MDGA2: variants seen among roughly 807,000 people sequenced by gnomAD.
MDGA2 encodes MAM domain-containing glycosylphosphatidylinositol anchor protein 2.
MDGA2 carries 40 observed loss-of-function variants against 117.8 expected under a neutral mutation model. That is an observed-to-expected ratio of 0.34 (90% confidence interval 0.26 to 0.44). The LOEUF is 0.44. Among genes scored for constraint, MDGA2 ranks in the 20% least tolerant of loss-of-function variants. The probability of loss-of-function intolerance (pLI) is 1.00; values close to 1 mark genes in which losing one functional copy is unlikely to be tolerated. For missense variants in MDGA2, 1,123 were observed against 1,250.6 expected (o/e 0.90, Z 1.54); for synonymous variants, 452 against 439.0 (o/e 1.03, Z -0.37).
rs189758546 is a variant in MDGA2 at position 47,360,494 on chromosome 14, A to G, written c.281-58944T>C. ...GGGTATATGAAAAGGTGCTTTCCCA[A>G]TGAGAGAAATGCAAATTAAAACAAC... is the stretch of plus-strand genomic sequence containing the variant. On this transcript the variant is annotated intron_variant, in intron 1 of 16. Coordinates refer to ENST00000399232, the MANE Select transcript of MDGA2 (RefSeq NM_001113498.3). 5.1e-4 allele frequency among the ~76,000 whole-genome samples: 77 copies of G among 152,270 alleles called. 1 individual carries two copies. Among genetic ancestry groups the G allele is most frequent in the African/African-American group, 1.8e-3 (73 of 41,550 alleles).
chr14:47,009,415 T>A (rs931520456), intron 8 of MDGA2, among the ~76,000 whole-genome samples: 2 of 152,024 alleles, frequency 1.3e-5, no homozygotes, highest in African/African-American at 4.8e-5. Flanking sequence ...TACCTGAAAC[T>A]TTTTTACCTC....
At chr14:47,381,337 CATAGCGTTGG>C (rs1168083168) in intron 1 of MDGA2, among the ~76,000 whole-genome samples, 8 of 152,300 alleles carry the variant, frequency 5.3e-5, no homozygotes, top group African/African-American at 1.9e-4. Flanking sequence ...TCCTATTCAA[CATAGCGTTGG>C]AAGTTCTGGC....
intron 1 of MDGA2, among the ~76,000 whole-genome samples, chr14:47,601,935 A>G (rs1896655758): frequency 6.6e-6 from 1 of 152,118 alleles, no homozygotes; most frequent in South Asian, 2.1e-4. Flanking sequence ...CCAGCTTCGG[A>G]GTTTTGATTT....
intron 9 of MDGA2, among the ~76,000 whole-genome samples, chr14:46,931,444 G>C (rs536661011): frequency 6.6e-6 from 1 of 151,604 alleles, no homozygotes; most frequent in East Asian, 1.9e-4. Context: ...TAGAACTTTG[G>C]AGGACAATTT....
At chr14:47,132,175 T>C (rs988308784) in intron 4 of MDGA2, among the ~76,000 whole-genome samples, 1 of 151,938 alleles carries the variant, frequency 6.6e-6, no homozygotes, top group Non-Finnish European at 1.5e-5. Context: ...CAAATTATTA[T>C]GCAAAGATCA....
At chr14:47,627,758 G>T (rs1210653508) in intron 1 of MDGA2, among the ~76,000 whole-genome samples, 1 of 152,144 alleles carries the variant, frequency 6.6e-6, no homozygotes, top group Non-Finnish European at 1.5e-5. Flanking sequence ...TGGAAGCTTT[G>T]TTCTTTTGTT....
intron 15 of MDGA2, among the ~76,000 whole-genome samples, chr14:46,849,729 G>A (rs572163111): frequency 2.4e-4 from 37 of 151,830 alleles, no homozygotes; most frequent in African/African-American, 8.4e-4. Context: ...TATTTATCTC[G>A]AGAATTAAGA....
chr14:47,139,821 T>C (rs200613449), intron 4 of MDGA2, among the ~76,000 whole-genome samples: 15 of 94,936 alleles, frequency 1.6e-4, no homozygotes, highest in East Asian at 6.2e-4. Flanking sequence ...TATACACACA[T>C]ATATATACAC....
chr14:47,053,508 T>C (rs571462956), intron 7 of MDGA2, among the ~76,000 whole-genome samples: 14 of 150,782 alleles, frequency 9.3e-5, no homozygotes, highest in Middle Eastern at 3.5e-3. Flanking sequence ...TTTGGGATCA[T>C]AGAAGCAAAA....
chr14:47,455,788 G>C (rs1269738840), intron 1 of MDGA2, among the ~76,000 whole-genome samples: 2 of 152,010 alleles, frequency 1.3e-5, no homozygotes, highest in African/African-American at 4.8e-5. Context: ...CCTGAGGTTA[G>C]GAGTTCAAGT....
At chr14:47,294,597 GAATT>G (rs1315462071) in intron 2 of MDGA2, among the ~76,000 whole-genome samples, 1 of 151,446 alleles carries the variant, frequency 6.6e-6, no homozygotes, top group Non-Finnish European at 1.5e-5. Context: ...ACACAAAAAA[GAATT>G]AATATAATAT....
At chr14:47,175,449 C>A (rs1304992012) in intron 3 of MDGA2, among the ~76,000 whole-genome samples, 1 of 148,766 alleles carries the variant, frequency 6.7e-6, no homozygotes, top group African/African-American at 2.5e-5. Context: ...AGCTTATCCA[C>A]CATGATCAAG....
At chr14:47,611,245 T>C (rs1046008444) in intron 1 of MDGA2, among the ~76,000 whole-genome samples, 1 of 152,080 alleles carries the variant, frequency 6.6e-6, no homozygotes, top group Non-Finnish European at 1.5e-5. Context: ...GACCTGAAAC[T>C]ATAAAAATTC....
chr14:46,873,805 G>A (rs891490285), intron 13 of MDGA2: 3 of 578,564 alleles, frequency 5.2e-6, no homozygotes, highest in African/African-American at 1.9e-5. Flanking sequence ...TGTATAAAAA[G>A]TTGAAATTTA....
intron 2 of MDGA2, among the ~76,000 whole-genome samples, chr14:47,240,741 A>G (rs554846491): frequency 6.6e-6 from 1 of 152,066 alleles, no homozygotes; most frequent in East Asian, 1.9e-4. Flanking sequence ...TACATTACCC[A>G]GAAAGGAAAA....
At chr14:47,670,502 A>G (rs1898054668) in intron 1 of MDGA2, among the ~76,000 whole-genome samples, 1 of 152,166 alleles carries the variant, frequency 6.6e-6, no homozygotes, top group South Asian at 2.1e-4. Flanking sequence ...TGTCAATAGG[A>G]TCTCTAGAAA....
Position 47,495,083 on chromosome 14 carries a change from C to T in MDGA2, c.280+179434G>A, listed in dbSNP as rs1594886143. ...CATACATACATCATAGAATACTACT[C>T]AGCCATAAAAAGAATAAAATTGTCT... On this transcript the variant is annotated intron_variant, in intron 1 of 16. Transcript: ENST00000399232. Among the ~76,000 whole-genome samples, 8 of 151,898 alleles carry T rather than the reference C, an allele frequency of 5.3e-5. 1 individual carries two copies. In the Middle Eastern group the frequency reaches 0.021, roughly 390 times the overall value.
At chr14:47,550,469 A>G (rs1895559797) in intron 1 of MDGA2, among the ~76,000 whole-genome samples, 2 of 152,236 alleles carry the variant, frequency 1.3e-5, no homozygotes, top group South Asian at 4.1e-4. Context: ...CTATAAATAT[A>G]AAACCACTAT....
chr14:47,054,559 T>C (rs907898287), intron 7 of MDGA2, among the ~76,000 whole-genome samples: 1 of 148,758 alleles, frequency 6.7e-6, no homozygotes, highest in Admixed American at 6.8e-5. Context: ...AGTGAGAACA[T>C]GAGGTGTTTG....
Sources: allele counts gnomAD v4.1 joint callset (sites outside exome capture counted in the v4.1 genomes callset), GRCh38; gene constraint gnomAD v4.1.1; transcripts MANE v1.5; gene names NCBI Gene and HGNC (gene_info 2026-07-23, HGNC 2026-07-21).